Variants in PCOLCE2 observed in about 807,000 individuals in gnomAD.
PCOLCE2 encodes procollagen C-endopeptidase enhancer 2, also known as procollagen C-proteinase enhancer 2.
In PCOLCE2, 42 loss-of-function variants were observed where a neutral mutation model predicts 47.0. That is an observed-to-expected ratio of 0.89 (90% CI 0.70 to 1.16). The LOEUF (loss-of-function observed/expected upper bound fraction) is 1.16, where lower values mean the gene tolerates loss of function less well. Ranked by LOEUF, PCOLCE2 falls within the 50% of genes most tolerant of loss-of-function variation. The pLI is 0.00. For missense variants in PCOLCE2, 500 were observed against 526.1 expected, an observed-to-expected ratio of 0.95 and a Z score of 0.49; for synonymous variants, 169 against 191.7, an observed-to-expected ratio of 0.88 and a Z score of 0.98.
intron 5 of PCOLCE2, among the ~76,000 whole-genome samples, chr3:142,835,785 G>A (rs1937196057): frequency 6.6e-6 from 1 of 152,068 alleles, no homozygotes; most frequent in South Asian, 2.1e-4. Flanking sequence ...GGGACTACAG[G>A]TGCATGCCAC....
intron 8 of PCOLCE2, among the ~76,000 whole-genome samples, chr3:142,818,697 C>G (rs756290312): frequency 1.3e-5 from 2 of 152,204 alleles, no homozygotes; most frequent in African/African-American, 2.4e-5. Flanking sequence ...TCTCCTGCCT[C>G]AGACTCCAAA....
intron 7 of PCOLCE2, among the ~76,000 whole-genome samples, chr3:142,822,154 T>G (rs1217797474): frequency 6.6e-6 from 1 of 152,074 alleles, no homozygotes; most frequent in Non-Finnish European, 1.5e-5. Context: ...CAACCTCAGG[T>G]GATCCACCTG....
chr3:142,860,772 C>T (rs999872809), intron 2 of PCOLCE2, among the ~76,000 whole-genome samples: 2 of 152,198 alleles, frequency 1.3e-5, no homozygotes, highest in African/African-American at 4.8e-5. Context: ...CTCTCAATAC[C>T]GGCCAGGCAC....
chr3:142,852,851 T>C (rs1932977849), intron 2 of PCOLCE2, among the ~76,000 whole-genome samples: 1 of 151,558 alleles, frequency 6.6e-6, no homozygotes. Context: ...ATGCTTGTAA[T>C]CTTAATACTT....
In PCOLCE2 at chr3:142,819,433, T is replaced by C. The variant is rs1295632696; in HGVS notation, c.1118-968A>G. Among the ~76,000 whole-genome samples, 3 of 152,336 alleles carry C rather than the reference T, an allele frequency of 2.0e-5. No individual in the cohort carries two copies. In the East Asian group the frequency reaches 5.8e-4, roughly 29 times the overall value. Reference sequence around the variant, plus strand: ...AGTGGTCTGTGAGAGCCTGAGAGTCTGGGCAGGTAATGCTGCCTCAAGGCT... The same window carrying C: ...AGTGGTCTGTGAGAGCCTGAGAGTCCGGGCAGGTAATGCTGCCTCAAGGCT... On this transcript the variant is annotated intron_variant, in intron 8 of 8. Coordinates refer to ENST00000295992, the MANE Select transcript of PCOLCE2 (RefSeq NM_013363.4).
intron 5 of PCOLCE2, among the ~76,000 whole-genome samples, chr3:142,837,511 AACC>A (rs1361565952): frequency 6.6e-6 from 1 of 152,200 alleles, no homozygotes; most frequent in Non-Finnish European, 1.5e-5. Context: ...GTCAATGAAA[AACC>A]ATAATAATGC....
In PCOLCE2 at chr3:142,888,898, G is replaced by A. The variant is rs1422559718; in HGVS notation, c.-2C>T. On this transcript the variant is annotated 5_prime_UTR_variant, in exon 1 of 9. Coordinates refer to ENST00000295992, the MANE Select transcript of PCOLCE2 (RefSeq NM_013363.4). ...CGCCCAGGCGTTCGCGCCCCTCATG[G>A]CAGCGTAGACGCTCGGGGTTTGCAC... The A allele has an allele frequency of 6.7e-7, 1 of 1,485,418 alleles. No homozygotes were observed. Among genetic ancestry groups the A allele is most frequent in the Admixed American group, 2.4e-5 (1 of 40,868 alleles). 92.0% of individuals were successfully genotyped at this position (1,485,418 alleles called of 1,614,324 possible). A position where few individuals can be genotyped will look rare whatever the true frequency, so the allele number is the denominator to read the frequency against.
intron 2 of PCOLCE2, among the ~76,000 whole-genome samples, chr3:142,868,499 T>C (rs140497428): frequency 9.2e-5 from 14 of 152,318 alleles, no homozygotes; most frequent in African/African-American, 3.1e-4. Flanking sequence ...CCTTTTGGGA[T>C]TACCTGCTCC....
In PCOLCE2 at chr3:142,843,067, G is replaced by GA. The variant is rs1345280959; in HGVS notation, c.449-20dup. ...TGATCCCCTTCAAGTATTAAACAAG[G>GA]AAAAAAGCCCACAAGTTTATGTAGG... On this transcript the variant is annotated intron_variant, in intron 3 of 8. Coordinates refer to ENST00000295992, the MANE Select transcript of PCOLCE2 (RefSeq NM_013363.4). 1 of 1,605,934 alleles carries GA rather than the reference G, an allele frequency of 6.2e-7. No homozygotes were observed. The highest frequency in any genetic ancestry group is 8.5e-7 in the Non-Finnish European group (1 of 1,177,038).
At chr3:142,841,803 T>C (rs1332183753) in intron 4 of PCOLCE2, among the ~76,000 whole-genome samples, 1 of 152,202 alleles carries the variant, frequency 6.6e-6, no homozygotes, top group Non-Finnish European at 1.5e-5. Context: ...AAAAGTTTTT[T>C]TAAAAACAGT....
intron 6 of PCOLCE2, among the ~76,000 whole-genome samples, chr3:142,824,069 GT>G (rs1423866913): frequency 6.6e-6 from 1 of 152,150 alleles, no homozygotes; most frequent in African/African-American, 2.4e-5. Context: ...AGTAGCATAG[GT>G]TTTTAGAAAT....
chr3:142,853,859 C>T (rs986409395), intron 2 of PCOLCE2, among the ~76,000 whole-genome samples: 7 of 152,262 alleles, frequency 4.6e-5, no homozygotes, highest in South Asian at 2.1e-4. Flanking sequence ...AAAAACAATT[C>T]GACGTTTGTG....
intron 7 of PCOLCE2, among the ~76,000 whole-genome samples, chr3:142,821,354 A>G (rs1422707720): frequency 6.6e-6 from 1 of 152,194 alleles, no homozygotes; most frequent in African/African-American, 2.4e-5. Flanking sequence ...ATTGTCACAT[A>G]GGGGATAGTC....
chr3:142,845,874 T>C lies in PCOLCE2; in HGVS notation c.448+2343A>G, dbSNP rs566583587. Among the ~76,000 whole-genome samples the C allele has an allele frequency of 5.3e-5, 8 of 151,446 alleles. No individual in the cohort carries two copies. The East Asian group carries it at 1.2e-3, about 22-fold the overall frequency. On this transcript the variant is annotated intron_variant, in intron 3 of 8. Transcript: ENST00000295992. ...CCTGTAATCCCAGCTGCTTGAGAGGTTGAGGCACAAAAATCGCTTGAACCT... is the reference window on the plus strand; with the variant it reads ...CCTGTAATCCCAGCTGCTTGAGAGGCTGAGGCACAAAAATCGCTTGAACCT...
intron 5 of PCOLCE2, among the ~76,000 whole-genome samples, chr3:142,838,500 T>G (rs1418032866): frequency 6.6e-6 from 1 of 152,298 alleles, no homozygotes; most frequent in Admixed American, 6.5e-5. Context: ...CCACCATGAT[T>G]GTACATTTCC....
At chr3:142,868,133 T>C (rs1352181493) in intron 2 of PCOLCE2, among the ~76,000 whole-genome samples, 2 of 152,216 alleles carry the variant, frequency 1.3e-5, no homozygotes, top group Admixed American at 1.3e-4. Flanking sequence ...ATACCTACTA[T>C]GTGTCAGGTC....
chr3:142,856,035 C>T (rs1933052569), intron 2 of PCOLCE2, among the ~76,000 whole-genome samples: 2 of 152,158 alleles, frequency 1.3e-5, no homozygotes, highest in Admixed American at 1.3e-4. Context: ...ACTGTATAGA[C>T]ACCTTTGTTG....
At chr3:142,824,320 T>C (rs1172862292) in intron 6 of PCOLCE2, among the ~76,000 whole-genome samples, 1 of 152,128 alleles carries the variant, frequency 6.6e-6, no homozygotes, top group Admixed American at 6.5e-5. Context: ...TGCTAGCATC[T>C]AGTGGGTAGA....
chr3:142,875,338 T>C (rs1933478371), intron 2 of PCOLCE2, among the ~76,000 whole-genome samples: 1 of 152,180 alleles, frequency 6.6e-6, no homozygotes, highest in Non-Finnish European at 1.5e-5. Flanking sequence ...ACATCTACAT[T>C]GGCCTAGAAA....
Sources: gnomAD v4.1 joint callset for allele counts (sites outside exome capture counted in the v4.1 genomes callset) on GRCh38, gnomAD v4.1.1 for gene constraint, MANE v1.5 for transcripts, NCBI Gene and HGNC (gene_info 2026-07-23, HGNC 2026-07-21) for gene names.